The following TENM4 variants were observed in gnomAD, a reference collection of about 807,000 sequenced individuals.
TENM4 encodes the protein teneurin transmembrane protein 4, also known as teneurin-4.
In TENM4, 82 loss-of-function variants were observed where a neutral mutation model predicts 243.3. The ratio of observed to expected loss-of-function variants is 0.34; its 90% CI spans 0.28 to 0.40. The LOEUF (loss-of-function observed/expected upper bound fraction) is 0.40. Among genes scored for constraint, TENM4 ranks in the 10% least tolerant of loss-of-function variants. The pLI, the probability that TENM4 is intolerant of heterozygous loss-of-function variation, is 1.00. For synonymous variants in TENM4, 1,412 were observed against 1,456.3 expected, an observed-to-expected ratio of 0.97 and a Z score of 0.69; for missense variants, 3,138 against 3,673.3, an observed-to-expected ratio of 0.85 and a Z score of 3.77.
intron 6 of TENM4, among the ~76,000 whole-genome samples, chr11:78,990,214 A>G (rs1858009166): frequency 6.6e-6 from 1 of 152,170 alleles, no homozygotes; most frequent in Non-Finnish European, 1.5e-5. Flanking sequence ...CTGAAGAAGC[A>G]TGGGTCAAAG....
chr11:79,257,619 C>A (rs984301019), intron 2 of TENM4, among the ~76,000 whole-genome samples: 1 of 152,204 alleles, frequency 6.6e-6, no homozygotes, highest in Non-Finnish European at 1.5e-5. Context: ...ATAGTTGACA[C>A]GTGTCTTTGA....
rs533693058 is a variant in TENM4 at position 79,280,538 on chromosome 11, G to A, written c.-265+16950C>T. Among the ~76,000 whole-genome samples the A allele has an allele frequency of 2.2e-4, 33 of 152,278 alleles. 1 individual carries two copies. The highest frequency in any genetic ancestry group is 9.1e-4 in the Admixed American group (14 of 15,304). ...GAACCACACAGGGAAGAAGCGAGCCGGAGCACAGACTATACTACACCTGCT... is the reference window on the plus strand; with the variant it reads ...GAACCACACAGGGAAGAAGCGAGCCAGAGCACAGACTATACTACACCTGCT... On this transcript the variant is annotated intron_variant, in intron 2 of 33. Transcript: ENST00000278550.
intron 2 of TENM4, among the ~76,000 whole-genome samples, chr11:79,255,413 T>C (rs1187139897): frequency 1.3e-5 from 2 of 152,188 alleles, no homozygotes; most frequent in Non-Finnish European, 2.9e-5. Flanking sequence ...CTTTAGAGCC[T>C]AGAGTCGGCT....
At chr11:78,859,591 T>C (rs572265722) in intron 10 of TENM4, among the ~76,000 whole-genome samples, 3 of 152,342 alleles carry the variant, frequency 2.0e-5, no homozygotes, top group East Asian at 1.9e-4. Flanking sequence ...CTTTACTTTC[T>C]TGAACTGAGA....
At chr11:78,909,798 G>A (rs555584729) in intron 6 of TENM4, among the ~76,000 whole-genome samples, 1 of 152,352 alleles carries the variant, frequency 6.6e-6, no homozygotes, top group Admixed American at 6.5e-5. Context: ...GAGTGAAATG[G>A]CTATGTGAAA....
chr11:78,957,392 T>C (rs991659848), intron 6 of TENM4, among the ~76,000 whole-genome samples: 6 of 152,360 alleles, frequency 3.9e-5, no homozygotes, highest in South Asian at 2.1e-4. Flanking sequence ...TCCTTTCAAC[T>C]GTTAGAAACA....
At chr11:78,885,441 G>GC (rs1247723611) in intron 9 of TENM4, among the ~76,000 whole-genome samples, 2 of 152,222 alleles carry the variant, frequency 1.3e-5, no homozygotes, top group Admixed American at 6.5e-5. Context: ...TCAGGCCAGA[G>GC]CAGCCAAGTA....
intron 6 of TENM4, among the ~76,000 whole-genome samples, chr11:78,959,349 T>G (rs1857270844): frequency 6.6e-6 from 1 of 152,166 alleles, no homozygotes; most frequent in African/African-American, 2.4e-5. Context: ...TCACATTTTT[T>G]CCATGAAAAA....
chr11:79,030,634 T>C (rs1859205115), intron 6 of TENM4, among the ~76,000 whole-genome samples: 1 of 152,054 alleles, frequency 6.6e-6, no homozygotes, highest in Non-Finnish European at 1.5e-5. Context: ...AGTGAAGCCG[T>C]GTGCTGCTCA....
chr11:79,318,795 C>T (rs972239934), intron 1 of TENM4, among the ~76,000 whole-genome samples: 1 of 152,116 alleles, frequency 6.6e-6, no homozygotes, highest in Non-Finnish European at 1.5e-5. Flanking sequence ...ATAACTAGCT[C>T]ACAGAATTCC....
intron 6 of TENM4, among the ~76,000 whole-genome samples, chr11:78,961,846 C>T (rs905455903): frequency 6.6e-6 from 1 of 151,946 alleles, no homozygotes; most frequent in Non-Finnish European, 1.5e-5. Context: ...TGGGCCTTCA[C>T]CTGATGTTTC....
chr11:79,199,057 C>A (rs1024549256), intron 3 of TENM4, among the ~76,000 whole-genome samples: 2 of 152,012 alleles, frequency 1.3e-5, no homozygotes, highest in Admixed American at 1.3e-4. Flanking sequence ...GTGGGTGGAG[C>A]AAAGAGAGGG....
chr11:79,089,973 G>A (rs1187266535), intron 4 of TENM4, among the ~76,000 whole-genome samples: 3 of 152,228 alleles, frequency 2.0e-5, no homozygotes, highest in African/African-American at 4.8e-5. Flanking sequence ...GCTATATCAT[G>A]GAGGTGATAA....
intron 2 of TENM4, among the ~76,000 whole-genome samples, chr11:79,230,402 C>A (rs1864352561): frequency 6.6e-6 from 1 of 152,094 alleles, no homozygotes; most frequent in Non-Finnish European, 1.5e-5. Flanking sequence ...GAACACTGCC[C>A]CTGCTCTATT....
At position 78,729,644 on chromosome 11, in the gene TENM4, C is replaced by G; in HGVS notation, c.3139-1G>C. On this transcript the variant is annotated splice_acceptor_variant, in intron 21 of 33. Transcript: ENST00000278550. LOFTEE classifies it high-confidence loss of function. Reference sequence around the variant, plus strand: ...AGATAGAGATTTCCTCCTGCAAAGCCTAGAAAGCAGAGGCAGATCACAGCA... The same window carrying G: ...AGATAGAGATTTCCTCCTGCAAAGCGTAGAAAGCAGAGGCAGATCACAGCA... 6.2e-7 allele frequency: 1 copy of G among 1,605,596 alleles called. No individual in the cohort carries two copies. Among genetic ancestry groups the G allele is most frequent in the Non-Finnish European group, 8.5e-7 (1 of 1,174,800 alleles).
At chr11:78,777,891 G>C (rs1200442282) in intron 17 of TENM4, among the ~76,000 whole-genome samples, 5 of 152,186 alleles carry the variant, frequency 3.3e-5, no homozygotes. Context: ...TTAGAGCTAT[G>C]TGGCCTATTT....
rs72172542 is a variant in TENM4, at chr11:78,750,849, T to TTGTGTGTGTGTG, written c.2756+5944_2756+5955dup. On this transcript the variant is annotated intron_variant, in intron 19 of 33. Transcript: ENST00000278550. ...CTGGTCAATATTTACCAAATGAGGC[T>TTGTGTGTGTGTG]TGTGTGTGTGTGTGTGTGTGTGTGT... Among the ~76,000 whole-genome samples, 897 of 145,758 alleles carry TTGTGTGTGTGTG rather than the reference T, an allele frequency of 6.2e-3. 10 individuals are homozygous for TTGTGTGTGTGTG. Among genetic ancestry groups the TTGTGTGTGTGTG allele is most frequent in the African/African-American group, 0.021 (850 of 39,556 alleles).
intron 1 of TENM4, among the ~76,000 whole-genome samples, chr11:79,341,616 G>A (rs1439565257): frequency 6.6e-6 from 1 of 152,166 alleles, no homozygotes; most frequent in Non-Finnish European, 1.5e-5. Context: ...CAGAAAGTAG[G>A]GTAAAAGGGT....
At chr11:79,266,514 T>C (rs1214701864) in intron 2 of TENM4, among the ~76,000 whole-genome samples, 1 of 152,208 alleles carries the variant, frequency 6.6e-6, no homozygotes, top group East Asian at 1.9e-4. Context: ...AGCCCATCCT[T>C]CTGAAAGGCA....
Sources: allele counts gnomAD v4.1 joint callset (sites outside exome capture counted in the v4.1 genomes callset), GRCh38; gene constraint gnomAD v4.1.1; transcripts MANE v1.5; gene names NCBI Gene and HGNC (gene_info 2026-07-23, HGNC 2026-07-21).